The following FER1L6 variants were observed in gnomAD, a reference collection of about 807,000 sequenced individuals.
FER1L6 encodes fer-1-like protein 6.
In FER1L6, 177 loss-of-function variants were observed where a neutral mutation model predicts 219.2. That is an observed-to-expected ratio of 0.81 (90% CI 0.71 to 0.91). The LOEUF is 0.91. FER1L6 is among the 40% of genes least tolerant of loss of function. The pLI, the probability that FER1L6 is intolerant of heterozygous loss-of-function variation, is 0.00. For missense variants in FER1L6, 2,153 were observed against 2,259.9 expected (o/e 0.95, Z 0.96); for synonymous variants, 768 against 824.3 (o/e 0.93, Z 1.17).
At chr8:124,010,537 G>T (rs1456181931) in intron 13 of FER1L6, 57 bp from the exon 14 acceptor site, 5 of 1,600,266 alleles carry the variant, frequency 3.1e-6, no homozygotes, top group East Asian at 4.5e-5. Flanking sequence ...CGTGTGACTG[G>T]GGTTGCCTGG....
chr8:123,855,975 GTATA>G (rs1244531770), intron 1 of FER1L6, among the ~76,000 whole-genome samples: 3 of 140,828 alleles, frequency 2.1e-5, no homozygotes, highest in African/African-American at 5.3e-5. Context: ...ATATACATAT[GTATA>G]TGAGATATAT....
At chr8:124,108,710 C>G (rs931733181) in intron 39 of FER1L6, among the ~76,000 whole-genome samples, 3 of 151,952 alleles carry the variant, frequency 2.0e-5, no homozygotes, top group Non-Finnish European at 4.4e-5. Flanking sequence ...GACCCCGTCT[C>G]TACAAAAAAT....
intron 1 of FER1L6, among the ~76,000 whole-genome samples, chr8:123,856,944 G>T (rs1399235476): frequency 2.0e-5 from 3 of 152,110 alleles, no homozygotes; most frequent in Non-Finnish European, 4.4e-5. Flanking sequence ...TAACTGCTCA[G>T]ATGAGATGCC....
At position 123,976,086 on chromosome 8, in the gene FER1L6, T is replaced by C. The variant is rs562197709; in HGVS notation, c.870+2T>C. ...GAGGTCTCCTTTGCTGGGCAGATGGTGAGGAACCATTGTCACTAACACTGC... is the reference window on the plus strand; with the variant it reads ...GAGGTCTCCTTTGCTGGGCAGATGGCGAGGAACCATTGTCACTAACACTGC... On this transcript the variant is annotated splice_donor_variant, in intron 9 of 40. Transcript: ENST00000522917. LOFTEE classifies it high-confidence loss of function. The C allele has an allele frequency of 1.2e-6, 2 of 1,607,870 alleles. No individual in the cohort carries two copies. Among genetic ancestry groups the C allele is most frequent in the Non-Finnish European group, 1.7e-6 (2 of 1,176,546 alleles).
chr8:124,092,991 T>C (rs1563795821), intron 34 of FER1L6, among the ~76,000 whole-genome samples: 6 of 151,818 alleles, frequency 4.0e-5, no homozygotes, highest in Non-Finnish European at 7.4e-5. Context: ...ACCTGACTAA[T>C]TTTTGTATTT....
rs2131054277 is a variant in FER1L6 at position 124,118,880 on chromosome 8, G to C, written c.5326G>C (p.Glu1776Gln). Reference sequence around the variant, plus strand: ...AGCTGAGTTCCACCTAGTTACAGCAGAAGAAGCTGAGAAAAATCCTGTTGG... The same window carrying C: ...AGCTGAGTTCCACCTAGTTACAGCACAAGAAGCTGAGAAAAATCCTGTTGG... ...VEAEFHLVTAEEAEKNPVGKA... is the reference protein window; with the variant it reads ...VEAEFHLVTAQEAEKNPVGKA... The change falls in exon 40 of 41, where the codon GAA (glutamate) becomes CAA (glutamine). Residue 1776 changes from glutamate (E) to glutamine (Q), a missense_variant. Coordinates refer to ENST00000522917, the MANE Select transcript of FER1L6 (RefSeq NM_001039112.2). 6.2e-7 allele frequency: 1 copy of C among 1,614,030 alleles called. No individual in the cohort carries two copies.
At chr8:124,086,015 T>C (rs905115926) in intron 33 of FER1L6, among the ~76,000 whole-genome samples, 2 of 152,214 alleles carry the variant, frequency 1.3e-5, no homozygotes, top group Admixed American at 1.3e-4. Flanking sequence ...TGTTGTTTTA[T>C]AATCAGTATA....
At chr8:123,999,565 A>T (rs1277075434) in intron 12 of FER1L6, among the ~76,000 whole-genome samples, 1 of 152,218 alleles carries the variant, frequency 6.6e-6, no homozygotes, top group African/African-American at 2.4e-5. Flanking sequence ...TGGGAGGCTG[A>T]GGCCGGAGAA....
In FER1L6 at chr8:123,889,473, TC is replaced by T. The variant is rs548410703; in HGVS notation, c.-8+37290del. Among the ~76,000 whole-genome samples the T allele has an allele frequency of 2.6e-5, 4 of 152,270 alleles. No individual in the cohort carries two copies. The South Asian group carries it at 8.3e-4, about 32-fold the overall frequency. On this transcript the variant is annotated intron_variant, in intron 1 of 40. Coordinates refer to ENST00000522917, the MANE Select transcript of FER1L6 (RefSeq NM_001039112.2). The stretch of plus-strand genomic sequence containing the variant: ...TCTAAAGGTTGTGGAATTATTCTCA[TC>T]CATAAAATGCTAACATCTGATAGTT...
At chr8:124,096,861 ACT>A (rs1488510761) in intron 35 of FER1L6, among the ~76,000 whole-genome samples, 1 of 151,978 alleles carries the variant, frequency 6.6e-6, no homozygotes, top group Admixed American at 6.5e-5. Flanking sequence ...TTGAATCCGG[ACT>A]CTGCTACATA....
rs368109662 is a variant in FER1L6 at position 123,901,287 on chromosome 8, T to A, written c.-8+49102T>A. On this transcript the variant is annotated intron_variant, in intron 1 of 40. Transcript: ENST00000522917. ...TCTCTTCCAGGCTTTCTAGTTTATG[T>A]GTGTAAAGTTGTTCACAGTAGCCTT... Among the ~76,000 whole-genome samples, 52 of 152,356 alleles carry A rather than the reference T, an allele frequency of 3.4e-4. 1 individual carries two copies. Among genetic ancestry groups the A allele is most frequent in the African/African-American group, 1.2e-3 (50 of 41,584 alleles).
At chr8:124,051,405 C>T (rs940069657) in intron 22 of FER1L6, among the ~76,000 whole-genome samples, 2 of 152,030 alleles carry the variant, frequency 1.3e-5, no homozygotes, top group Non-Finnish European at 2.9e-5. Flanking sequence ...TGATACAGGC[C>T]CCTCAACCTC....
At position 123,986,160 on chromosome 8, in the gene FER1L6, C is replaced by CT. The variant is rs745841521; in HGVS notation, c.1506dup (p.Glu503Ter). Reference sequence around the variant, plus strand: ...GGAAGATTGGAGATAAACCCATCAGCTTTGAAGTTTCTATTGGTAAGTACA... The same window carrying CT: ...GGAAGATTGGAGATAAACCCATCAGCTTTTGAAGTTTCTATTGGTAAGTACA... On this transcript the variant is annotated frameshift_variant, in exon 12 of 41. Transcript: ENST00000522917. LOFTEE classifies it high-confidence loss of function. 8 of 1,608,002 alleles carry CT rather than the reference C, an allele frequency of 5.0e-6. No homozygotes were observed. In the East Asian group the frequency reaches 1.8e-4, roughly 36 times the overall value.
At chr8:124,114,144 T>TC (rs1458642948) in intron 39 of FER1L6, among the ~76,000 whole-genome samples, 2 of 152,182 alleles carry the variant, frequency 1.3e-5, no homozygotes, top group Non-Finnish European at 2.9e-5. Flanking sequence ...TATCATTTTT[T>TC]CTCCATTTAT....
chr8:123,976,176 A>G, intron 9 of FER1L6, 92 bp downstream of exon 9: 1 of 1,115,946 alleles, frequency 9.0e-7, no homozygotes, highest in East Asian at 2.5e-5. Flanking sequence ...AATAAAAATT[A>G]GGAAGTGCCT....
intron 39 of FER1L6, among the ~76,000 whole-genome samples, chr8:124,115,919 T>C (rs566711122): frequency 9.9e-5 from 15 of 152,208 alleles, no homozygotes; most frequent in African/African-American, 3.4e-4. Context: ...TGCCATGCCA[T>C]GCTATGCTAT....
At chr8:123,999,300 G>T (rs1437529695) in intron 12 of FER1L6, among the ~76,000 whole-genome samples, 3 of 152,212 alleles carry the variant, frequency 2.0e-5, no homozygotes, top group African/African-American at 7.2e-5. Context: ...CTAGGACTGG[G>T]TTCTTCCTTT....
intron 1 of FER1L6, among the ~76,000 whole-genome samples, chr8:123,951,250 G>C (rs1814751260): frequency 6.6e-6 from 1 of 152,110 alleles, no homozygotes; most frequent in South Asian, 2.1e-4. Flanking sequence ...CACACCCTAG[G>C]GGATGGGATC....
chr8:124,117,240 C>CA (rs1244021967), intron 39 of FER1L6, among the ~76,000 whole-genome samples: 2 of 152,192 alleles, frequency 1.3e-5, no homozygotes, highest in African/African-American at 4.8e-5. Flanking sequence ...TCTTCATCTA[C>CA]ATAAGGGAGA....
Sources: allele counts gnomAD v4.1 joint callset (sites outside exome capture counted in the v4.1 genomes callset), GRCh38; gene constraint gnomAD v4.1.1; transcripts MANE v1.5; gene names NCBI Gene and HGNC (gene_info 2026-07-23, HGNC 2026-07-21).